HYCC1: variants seen among roughly 807,000 people sequenced by gnomAD.
The protein encoded by HYCC1 is hyccin.
At chr7:22,963,259 A>T in the HYCC1 span, among the ~76,000 whole-genome samples, 1 of 152,254 alleles carries the variant, frequency 6.6e-6, no homozygotes, top group East Asian at 1.9e-4. Flanking sequence ...TGTTGAAGTT[A>T]TTTGGGAAAT....
chr7:22,901,175 T>G, the HYCC1 span, among the ~76,000 whole-genome samples: 3 of 126,774 alleles, frequency 2.4e-5, no homozygotes, highest in South Asian at 7.4e-4. Flanking sequence ...AAGCCATGAT[T>G]GCACCACTGC....
chr7:22,972,459 G>GAGAATTCA, the HYCC1 span, among the ~76,000 whole-genome samples: 1 of 152,180 alleles, frequency 6.6e-6, no homozygotes, highest in Non-Finnish European at 1.5e-5. Context: ...GACAATGGGA[G>GAGAATTCA]AGAATTCAAC....
chr7:22,991,110 A>T, the HYCC1 span: 1 of 1,610,336 alleles, frequency 6.2e-7, no homozygotes, highest in Non-Finnish European at 8.5e-7. Flanking sequence ...TGAAGTAAAC[A>T]TTTTTCCACA....
the HYCC1 span, among the ~76,000 whole-genome samples, chr7:22,915,346 C>T: frequency 5.3e-5 from 8 of 152,358 alleles, no homozygotes; most frequent in South Asian, 6.2e-4. Flanking sequence ...TAAGCCATAG[C>T]GGTCAGGTAT....
At chr7:22,974,276 T>TA in the HYCC1 span, among the ~76,000 whole-genome samples, 3 of 152,306 alleles carry the variant, frequency 2.0e-5, no homozygotes, top group African/African-American at 7.2e-5. Flanking sequence ...TTTTTGATAT[T>TA]AAAATAGTCT....
At chr7:22,961,793 A>C in the HYCC1 span, among the ~76,000 whole-genome samples, 9 of 152,132 alleles carry the variant, frequency 5.9e-5, no homozygotes, top group African/African-American at 2.2e-4. Flanking sequence ...TATTTGCTAC[A>C]TGTTGCAAAT....
At chr7:22,941,376 T>C in the HYCC1 span, 2 of 152,174 alleles carry the variant, frequency 1.3e-5, no homozygotes, top group East Asian at 3.9e-4. Flanking sequence ...CTCCAGTTTA[T>C]TTCCATAGCC....
At chr7:22,923,470 A>G in the HYCC1 span, among the ~76,000 whole-genome samples, 2 of 152,194 alleles carry the variant, frequency 1.3e-5, no homozygotes, top group African/African-American at 2.4e-5. Flanking sequence ...TCTCAAATCA[A>G]TAACCTAATC....
At chr7:22,905,323 G>A in the HYCC1 span, among the ~76,000 whole-genome samples, 6 of 150,406 alleles carry the variant, frequency 4.0e-5, no homozygotes, top group Admixed American at 2.0e-4. Flanking sequence ...TCCTGTCTCA[G>A]CCTCCCAAGT....
the HYCC1 span, among the ~76,000 whole-genome samples, chr7:22,989,526 ATT>A: frequency 1.4e-4 from 21 of 147,998 alleles, no homozygotes; most frequent in Admixed American, 2.7e-4. Flanking sequence ...TTATTTATTT[ATT>A]TTTTTTTTTT....
the HYCC1 span, among the ~76,000 whole-genome samples, chr7:22,905,386 A>ATTTTTTTTTTTTTTT: frequency 1.1e-3 from 49 of 44,472 alleles, 1 homozygote; most frequent in East Asian, 5.8e-3. Flanking sequence ...CTAATTTTGT[A>ATTTTTTTTTTTTTTT]TTTTTTTTTT....
the HYCC1 span, among the ~76,000 whole-genome samples, chr7:22,899,007 C>T: frequency 6.6e-6 from 1 of 152,206 alleles, no homozygotes. Context: ...AATTCTTTGT[C>T]AAGGCCATTT....
the HYCC1 span, among the ~76,000 whole-genome samples, chr7:22,957,781 G>T: frequency 9.2e-5 from 14 of 152,012 alleles, no homozygotes; most frequent in African/African-American, 2.9e-4. Flanking sequence ...AACTCTAAAT[G>T]TATTTTCATA....
the HYCC1 span, chr7:22,961,121 T>C: frequency 2.4e-5 from 17 of 706,932 alleles, no homozygotes; most frequent in East Asian, 3.0e-4. Flanking sequence ...AACAAGAGCA[T>C]GAATACACTG....
At chr7:22,949,014 G>A in the HYCC1 span, among the ~76,000 whole-genome samples, 1 of 151,954 alleles carries the variant, frequency 6.6e-6, no homozygotes, top group African/African-American at 2.4e-5. Context: ...TATTTACATT[G>A]TGGAAGCTGT....
At chr7:22,953,611 C>G in the HYCC1 span, among the ~76,000 whole-genome samples, 12 of 151,982 alleles carry the variant, frequency 7.9e-5, no homozygotes, top group East Asian at 2.3e-3. Flanking sequence ...CCACATGTGT[C>G]AAACATATCA....
the HYCC1 span, among the ~76,000 whole-genome samples, chr7:22,907,893 C>T: frequency 6.6e-6 from 1 of 152,160 alleles, no homozygotes; most frequent in African/African-American, 2.4e-5. Context: ...GCCTGAGCAA[C>T]AGAACAAGAG....
the HYCC1 span, among the ~76,000 whole-genome samples, chr7:22,898,830 T>C: frequency 6.6e-6 from 1 of 152,008 alleles, no homozygotes; most frequent in African/African-American, 2.4e-5. Flanking sequence ...CTCAAACTCC[T>C]GACCTTGTGA....
At chr7:22,974,948 T>C in the HYCC1 span, among the ~76,000 whole-genome samples, 1 of 152,208 alleles carries the variant, frequency 6.6e-6, no homozygotes, top group African/African-American at 2.4e-5. Flanking sequence ...AGACGTGCCT[T>C]TGTTCCTCCT....
Sources: gnomAD v4.1 joint callset for allele counts (sites outside exome capture counted in the v4.1 genomes callset) on GRCh38, gnomAD v4.1.1 for gene constraint, MANE v1.5 for transcripts, NCBI Gene and HGNC (gene_info 2026-07-23, HGNC 2026-07-21) for gene names.